The following LIPA variants were observed in gnomAD, a reference collection of about 807,000 sequenced individuals.
LIPA encodes lysosomal acid lipase/cholesteryl ester hydrolase.
A neutral mutation model predicts 40.6 loss-of-function variants in LIPA; 26 were observed. The ratio of observed to expected loss-of-function variants is 0.64; its 90% CI spans 0.47 to 0.89. The LOEUF (loss-of-function observed/expected upper bound fraction) is 0.89. LIPA is among the 40% of genes least tolerant of loss of function. LIPA has a pLI of 0.00. For synonymous variants in LIPA, 188 were observed against 168.4 expected (o/e 1.12, Z -0.90); for missense variants, 455 against 479.6 (o/e 0.95, Z 0.48).
intron 3 of LIPA, among the ~76,000 whole-genome samples, chr10:89,232,851 C>T (rs1197409441): frequency 2.0e-5 from 3 of 152,128 alleles, no homozygotes; most frequent in Admixed American, 1.3e-4. Context: ...TTTAAACATC[C>T]CCAATAAATA....
At chr10:89,306,424 A>C (rs187537532) in intron 1 of LIPA, 1 of 1,614,168 alleles carries the variant, frequency 6.2e-7, no homozygotes, top group East Asian at 2.2e-5. Flanking sequence ...AAAATGAAAG[A>C]GCGAAGGTGT....
chr10:89,252,195 C>G (rs1467920465), upstream of LIPA: 1 of 152,202 alleles, frequency 6.6e-6, no homozygotes, highest in Non-Finnish European at 1.5e-5. Flanking sequence ...CCATTTAAAG[C>G]GCTTATCATT....
At chr10:89,313,458 C>A (rs1843526065) in intron 1 of LIPA, among the ~76,000 whole-genome samples, 2 of 152,148 alleles carry the variant, frequency 1.3e-5, no homozygotes, top group South Asian at 4.1e-4. Context: ...TAAAATGGTG[C>A]AGCCACTTTG....
intron 2 of LIPA, among the ~76,000 whole-genome samples, chr10:89,394,211 G>A (rs879920330): frequency 1.3e-5 from 2 of 152,128 alleles, no homozygotes; most frequent in Admixed American, 6.5e-5. Flanking sequence ...ACAATGGCAA[G>A]TATTTGTTTA....
rs114459498 is a variant in LIPA at position 89,219,415 on chromosome 10, G to C, written c.894+3096C>G. ...GTGAGAAAGTGAGAAGTAATATCAA[G>C]TCTTGGCTCTGGGGAGCTCCGAAAT... On this transcript the variant is annotated intron_variant, in intron 8 of 9. Coordinates refer to ENST00000336233, the MANE Select transcript of LIPA (RefSeq NM_000235.4). 2.7e-3 allele frequency among the ~76,000 whole-genome samples: 418 copies of C among 152,320 alleles called. 1 individual carries two copies. Among genetic ancestry groups the C allele is most frequent in the African/African-American group, 9.2e-3 (381 of 41,568 alleles).
Position 89,245,747 on chromosome 10 carries a change from A to T in LIPA, c.158T>A (p.Val53Asp). 3 of 1,604,618 alleles carry T rather than the reference A, an allele frequency of 1.9e-6. No homozygotes were observed. The highest frequency in any genetic ancestry group is 1.7e-6 in the Non-Finnish European group (2 of 1,171,404). Reference protein sequence around the residue: ...YWGFPSEEYLVETEDGYILCL... With the variant: ...YWGFPSEEYLDETEDGYILCL... ...CAGAATATATCCATCTTCTGTCTCA[A>T]CTAGGTATTCCTCACTAGGGAATCC... The change falls in exon 3 of 10, where the codon GTT becomes GAT. Residue 53 changes from valine (V) to aspartate (D), a missense_variant. Physicochemically the swap from Val to Asp is radical, Grantham distance 152 (BLOSUM62 -3). Coordinates refer to ENST00000336233, the MANE Select transcript of LIPA (RefSeq NM_000235.4).
Position 89,368,888 on chromosome 10 carries a change from C to G in LIPA, c.61+43903G>C, listed in dbSNP as rs1844076232. On this transcript the variant is annotated intron_variant, in intron 2 of 8. Transcript: ENST00000371837. ...CTACACACAAACATATAAACTTACA[C>G]ACACAAACTCACACACTCACAAACA... Among the ~76,000 whole-genome samples the G allele has an allele frequency of 2.0e-5, 3 of 148,188 alleles. No individual in the cohort carries two copies. In the South Asian group the frequency reaches 6.4e-4, roughly 32 times the overall value.
chr10:89,246,846 T>G (rs1175622911), intron 2 of LIPA, among the ~76,000 whole-genome samples: 1 of 152,152 alleles, frequency 6.6e-6, no homozygotes, highest in Admixed American at 6.5e-5. Context: ...TGGACATTCT[T>G]AATCACAACC....
intron 1 of LIPA, among the ~76,000 whole-genome samples, chr10:89,328,849 GGGATTGAGTAGGAA>G (rs1843623593): frequency 6.6e-6 from 1 of 152,144 alleles, no homozygotes; most frequent in African/African-American, 2.4e-5. Context: ...GGAGATGGTG[GGGATTGAGTAGGAA>G]GGCTCCCAAA....
intron 1 of LIPA, among the ~76,000 whole-genome samples, chr10:89,317,718 G>A (rs549428156): frequency 5.9e-5 from 9 of 152,210 alleles, no homozygotes; most frequent in East Asian, 1.9e-4. Context: ...TACGGAGAAC[G>A]CCACAAAGAT....
intron 2 of LIPA, among the ~76,000 whole-genome samples, chr10:89,372,280 T>C (rs1377079378): frequency 2.6e-5 from 4 of 152,132 alleles, no homozygotes; most frequent in Non-Finnish European, 5.9e-5. Flanking sequence ...ACTGCAAGAG[T>C]AGCCACAGGG....
intron 2 of LIPA, among the ~76,000 whole-genome samples, chr10:89,246,635 A>G (rs1022596530): frequency 3.9e-5 from 6 of 152,220 alleles, no homozygotes; most frequent in African/African-American, 7.2e-5. Flanking sequence ...TCACTGCAAC[A>G]TCTATTTTAA....
At chr10:89,289,738 TAGA>T (rs1481792310) in intron 1 of LIPA, among the ~76,000 whole-genome samples, 1 of 152,200 alleles carries the variant, frequency 6.6e-6, no homozygotes, top group Non-Finnish European at 1.5e-5. Flanking sequence ...TTTGAACGGA[TAGA>T]AGATCTTTGG....
chr10:89,337,225 G>A (rs1343603066), intron 1 of LIPA, among the ~76,000 whole-genome samples: 1 of 152,138 alleles, frequency 6.6e-6, no homozygotes, highest in African/African-American at 2.4e-5. Flanking sequence ...TAACAAAACT[G>A]AAAGCACCTG....
intron 1 of LIPA, chr10:89,332,670 T>C (rs1197322949): frequency 2.5e-6 from 4 of 1,586,930 alleles, no homozygotes; most frequent in Non-Finnish European, 3.5e-6. Flanking sequence ...GAATTTCTTA[T>C]GTACAACTTC....
intron 2 of LIPA, among the ~76,000 whole-genome samples, chr10:89,348,647 A>G (rs774804599): frequency 5.9e-5 from 9 of 152,202 alleles, no homozygotes; most frequent in Non-Finnish European, 1.2e-4. Context: ...TTTGGTTTCT[A>G]TAGAGAACCA....
At chr10:89,292,947 G>T (rs1446930285) in intron 1 of LIPA, among the ~76,000 whole-genome samples, 1 of 151,952 alleles carries the variant, frequency 6.6e-6, no homozygotes, top group African/African-American at 2.4e-5. Flanking sequence ...CTGTACCTGG[G>T]CACAATTCTC....
chr10:89,306,095 C>T (rs369661844), intron 1 of LIPA: 18 of 1,613,950 alleles, frequency 1.1e-5, no homozygotes, highest in Non-Finnish European at 1.4e-5. Context: ...GTTTCAGAAT[C>T]GTGAATTCAA....
chr10:89,386,946 AGTGT>A lies in LIPA; in HGVS notation c.61+25841_61+25844del, dbSNP rs756939371. Among the ~76,000 whole-genome samples, 970 of 125,982 alleles carry A rather than the reference AGTGT, an allele frequency of 7.7e-3. 20 individuals are homozygous for A. Among genetic ancestry groups the A allele is most frequent in the Admixed American group, 0.044 (538 of 12,124 alleles). 82.6% of individuals were successfully genotyped at this position (125,982 alleles called of 152,430 possible). A position where few individuals can be genotyped will look rare whatever the true frequency, so the allele number is the denominator to read the frequency against. On this transcript the variant is annotated intron_variant, in intron 2 of 8. Coordinates refer to the LIPA transcript ENST00000371837. ...GAGTTTATGAGTCTGTGGGTATATG[AGTGT>A]GTGTGTGTGTGTGTGTGTGTGTGAG...
Sources: allele counts gnomAD v4.1 joint callset (sites outside exome capture counted in the v4.1 genomes callset), GRCh38; gene constraint gnomAD v4.1.1; transcripts MANE v1.5; gene names NCBI Gene and HGNC (gene_info 2026-07-23, HGNC 2026-07-21).